The following SPPL3 variants were observed in gnomAD, a reference collection of about 807,000 sequenced individuals.
SPPL3 encodes the protein signal peptide peptidase-like 3.
SPPL3 carries 5 observed loss-of-function variants against 42.4 expected under a neutral mutation model. That is an observed-to-expected ratio of 0.12 (90% CI 0.06 to 0.25). The LOEUF is 0.25. Among genes scored for constraint, SPPL3 ranks in the 10% least tolerant of loss-of-function variants. SPPL3 has a pLI of 1.00. For missense variants in SPPL3, 235 were observed against 489.0 expected (o/e 0.48, Z 4.90); for synonymous variants, 195 against 181.8 (o/e 1.07, Z -0.58).
chr12:120,884,094 T>C (rs1426172741), intron 1 of SPPL3, among the ~76,000 whole-genome samples: 2 of 77,496 alleles, frequency 2.6e-5, no homozygotes, highest in African/African-American at 1.0e-4. Flanking sequence ...ACAGCGAAAC[T>C]ATGTCTCAAA....
intron 1 of SPPL3, among the ~76,000 whole-genome samples, chr12:120,890,397 G>A (rs932894387): frequency 2.6e-5 from 4 of 151,894 alleles, no homozygotes; most frequent in African/African-American, 9.7e-5. Flanking sequence ...AAACCATCCT[G>A]GCCAAAATGA....
chr12:120,903,989 CTCGCTGGCT>C lies in SPPL3; in HGVS notation c.-131_-123del. 1.2e-6 allele frequency: 1 copy of C among 857,568 alleles called. No homozygotes were observed. The highest frequency in any genetic ancestry group is 1.5e-6 in the Non-Finnish European group (1 of 650,618). 53.1% of individuals were successfully genotyped at this position (857,568 alleles called of 1,614,324 possible). A position where few individuals can be genotyped will look rare whatever the true frequency, so the allele number is the denominator to read the frequency against. The stretch of plus-strand genomic sequence containing the variant: ...GCTTGCTTGCTTGCTCGCTCGCTGG[CTCGCTGGCT>C]GCACGGCGGGCCGGGAAGGCGGCTG... On this transcript the variant is annotated 5_prime_UTR_variant, in exon 1 of 11. Coordinates refer to ENST00000353487, the MANE Select transcript of SPPL3 (RefSeq NM_139015.5).
chr12:120,847,862 G>T (rs1378519697), intron 1 of SPPL3, among the ~76,000 whole-genome samples: 1 of 152,144 alleles, frequency 6.6e-6, no homozygotes, highest in Non-Finnish European at 1.5e-5. Flanking sequence ...CCCTGGGTGT[G>T]TCCCCTGGCT....
chr12:120,882,614 C>T (rs941385043), intron 1 of SPPL3, among the ~76,000 whole-genome samples: 1 of 152,032 alleles, frequency 6.6e-6, no homozygotes, highest in African/African-American at 2.4e-5. Flanking sequence ...TCCTATGTAT[C>T]CACAAAAACT....
intron 1 of SPPL3, among the ~76,000 whole-genome samples, chr12:120,818,722 G>A (rs753701424): frequency 1.3e-5 from 2 of 152,178 alleles, no homozygotes; most frequent in South Asian, 2.1e-4. Flanking sequence ...TGTGGTTGCA[G>A]AACAATTTAC....
chr12:120,808,097 T>G (rs1870565101), intron 2 of SPPL3, among the ~76,000 whole-genome samples: 1 of 151,014 alleles, frequency 6.6e-6, no homozygotes. Context: ...TTTTTTTTTT[T>G]TTTTTGTTTT....
intron 1 of SPPL3, among the ~76,000 whole-genome samples, chr12:120,852,469 CAT>C (rs1375988836): frequency 2.0e-4 from 1 of 4,966 alleles, no homozygotes; most frequent in African/African-American, 2.4e-4. Context: ...ACATATTTTA[CAT>C]ATATGAAATA....
At chr12:120,881,808 AAAAG>A (rs1049818149) in intron 1 of SPPL3, among the ~76,000 whole-genome samples, 1 of 151,616 alleles carries the variant, frequency 6.6e-6, no homozygotes, top group African/African-American at 2.4e-5. Context: ...AACAAAAAAA[AAAAG>A]AAACAAAATA....
chr12:120,812,650 T>C (rs1277033119), intron 1 of SPPL3, among the ~76,000 whole-genome samples: 1 of 152,088 alleles, frequency 6.6e-6, no homozygotes, highest in African/African-American at 2.4e-5. Flanking sequence ...AAGAAGGAAC[T>C]GCAAAGAAAA....
chr12:120,768,536 T>G (rs1868990488), intron 7 of SPPL3, 48 bp from the exon 8 acceptor site: 3 of 1,569,164 alleles, frequency 1.9e-6, no homozygotes, highest in Non-Finnish European at 2.6e-6. Flanking sequence ...GGAAGCAACC[T>G]GCTTTCAGCA....
At chr12:120,811,897 AAGAG>A (rs1870693481) in intron 1 of SPPL3, among the ~76,000 whole-genome samples, 1 of 152,172 alleles carries the variant, frequency 6.6e-6, no homozygotes, top group African/African-American at 2.4e-5. Flanking sequence ...AATGTTACAA[AAGAG>A]AGAAAGAGAA....
At chr12:120,843,299 G>A (rs758062551) in intron 1 of SPPL3, among the ~76,000 whole-genome samples, 21 of 152,126 alleles carry the variant, frequency 1.4e-4, no homozygotes, top group Non-Finnish European at 2.9e-4. Context: ...ACAATCTTTT[G>A]TGATTTAAGA....
chr12:120,804,003 A>C (rs993737475), intron 2 of SPPL3, among the ~76,000 whole-genome samples: 4 of 152,218 alleles, frequency 2.6e-5, no homozygotes, highest in Admixed American at 6.5e-5. Flanking sequence ...AATGAAGGGC[A>C]TCACAATCAT....
Position 120,769,040 on chromosome 12 carries a change from A to G in SPPL3, c.522T>C (p.Cys174=). The change falls in exon 7 of 11, where the codon TGT becomes TGC. Residue 174 remains cysteine (C), a synonymous_variant. Transcript: ENST00000353487. The stretch of plus-strand genomic sequence containing the variant: ...GGCGGACAAAGGCGATCATGGCGAC[A>G]CAGAGGCCCATGGCCAGTGCTGGGG... The part of the protein sequence containing the change: ...LLMDALAMGL[C]VAMIAFVRLP... 6.2e-7 allele frequency: 1 copy of G among 1,606,750 alleles called. No homozygotes were observed. Among genetic ancestry groups the G allele is most frequent in the East Asian group, 2.2e-5 (1 of 44,724 alleles).
intron 1 of SPPL3, among the ~76,000 whole-genome samples, chr12:120,884,809 T>TTTTTTTTTTTGGG (rs1873402445): frequency 3.4e-5 from 2 of 58,192 alleles, no homozygotes; most frequent in African/African-American, 7.6e-5. Context: ...TTTTTTTGGG[T>TTTTTTTTTTTGGG]TTTTTTTTTT....
chr12:120,873,182 T>C (rs1566066357), intron 1 of SPPL3, among the ~76,000 whole-genome samples: 1 of 152,156 alleles, frequency 6.6e-6, no homozygotes, highest in Non-Finnish European at 1.5e-5. Context: ...GAAAAACACA[T>C]TGGCTGAGAG....
chr12:120,768,493 C>G lies in SPPL3; in HGVS notation c.610-5G>C. ...GATGTAGGCTGAGAAAAATACCTGC[C>G]GAGTTGGAGAGATGCCTTTAACAGA... On this transcript the variant is annotated splice_region_variant and splice_polypyrimidine_tract_variant and intron_variant, in intron 7 of 10. Coordinates refer to ENST00000353487, the MANE Select transcript of SPPL3 (RefSeq NM_139015.5). 6.2e-7 allele frequency: 1 copy of G among 1,609,842 alleles called. No individual in the cohort carries two copies. The highest frequency in any genetic ancestry group is 1.1e-5 in the South Asian group (1 of 90,556).
At chr12:120,809,032 T>C (rs1870593884) in intron 2 of SPPL3, among the ~76,000 whole-genome samples, 1 of 152,206 alleles carries the variant, frequency 6.6e-6, no homozygotes, top group Non-Finnish European at 1.5e-5. Context: ...AATCTGGAGT[T>C]CTCAGTAGAC....
chr12:120,894,404 G>C (rs188869037), intron 1 of SPPL3, among the ~76,000 whole-genome samples: 2 of 152,296 alleles, frequency 1.3e-5, no homozygotes, highest in East Asian at 3.9e-4. Context: ...AGGCTATCAG[G>C]CAAAGCTTGA....
Sources: allele counts gnomAD v4.1 joint callset (sites outside exome capture counted in the v4.1 genomes callset), GRCh38; gene constraint gnomAD v4.1.1; transcripts MANE v1.5; gene names NCBI Gene and HGNC (gene_info 2026-07-23, HGNC 2026-07-21).